Variants in PTPN2 observed in about 807,000 individuals in gnomAD.
PTPN2 encodes the protein protein tyrosine phosphatase non-receptor type 2.
In PTPN2, 19 loss-of-function variants were observed where a neutral mutation model predicts 57.3. The observed-to-expected ratio is 0.33, with a 90% CI of 0.23 to 0.49. The LOEUF is 0.49. Ranked by LOEUF, PTPN2 falls within the 20% of genes least tolerant of loss-of-function variation. The pLI is 0.99. For synonymous variants in PTPN2, 153 were observed against 164.9 expected (o/e 0.93, Z 0.55); for missense variants, 358 against 501.1 (o/e 0.71, Z 2.73).
intron 1 of PTPN2, chr18:12,883,842 T>C: frequency 2.5e-6 from 1 of 402,086 alleles, no homozygotes. Context: ...GCGCTTGCGC[T>C]AACCATGAGC....
In PTPN2 at chr18:12,884,072, C is replaced by A; in HGVS notation, c.69+1G>T. ...GACTGCCGCGTGGGTCCGCGACTCA[C>A]CAAGTACAGCGGCTGCCAGCGACGC... On this transcript the variant is annotated splice_donor_variant, in intron 1 of 8. Transcript: ENST00000309660. LOFTEE classifies it high-confidence loss of function. 6.3e-7 allele frequency: 1 copy of A among 1,575,532 alleles called. No homozygotes were observed. The highest frequency in any genetic ancestry group is 8.6e-7 in the Non-Finnish European group (1 of 1,162,326).
chr18:12,865,523 G>A (rs188316180), intron 1 of PTPN2, among the ~76,000 whole-genome samples: 52 of 151,808 alleles, frequency 3.4e-4, no homozygotes, highest in African/African-American at 1.1e-3. Context: ...TGGGTGGATC[G>A]CCTGAGGTCA....
intron 1 of PTPN2, among the ~76,000 whole-genome samples, chr18:12,878,333 AAAAG>A (rs2044560221): frequency 6.6e-6 from 1 of 151,792 alleles, no homozygotes; most frequent in African/African-American, 2.4e-5. Flanking sequence ...AAAAGAAAGA[AAAAG>A]AAAAAAAAAG....
chr18:12,831,700 T>G (rs1468026445), intron 3 of PTPN2, among the ~76,000 whole-genome samples: 1 of 152,214 alleles, frequency 6.6e-6, no homozygotes, highest in Non-Finnish European at 1.5e-5. Context: ...TAGGAATCAT[T>G]AAAGTACCTG....
At chr18:12,851,280 C>G in intron 2 of PTPN2, among the ~76,000 whole-genome samples, 1 of 9,194 alleles carries the variant, frequency 1.1e-4, no homozygotes, top group East Asian at 1.9e-3. Context: ...GAGATCGAGA[C>G]CATCCTGGCT....
intron 5 of PTPN2, 70 bp downstream of exon 5, chr18:12,825,740 A>G (rs111703044): frequency 1.2e-5 from 17 of 1,437,282 alleles, no homozygotes; most frequent in African/African-American, 7.1e-5. Flanking sequence ...CAAACTTCAA[A>G]TCTAATAATA....
chr18:12,836,474 G>A (rs1165557774), intron 3 of PTPN2, among the ~76,000 whole-genome samples: 2 of 152,218 alleles, frequency 1.3e-5, no homozygotes, highest in African/African-American at 4.8e-5. Context: ...GAAGAGAAAA[G>A]AAGACACTAA....
At chr18:12,838,348 G>A (rs1457477502) in intron 2 of PTPN2, among the ~76,000 whole-genome samples, 2 of 152,184 alleles carry the variant, frequency 1.3e-5, no homozygotes, top group Non-Finnish European at 2.9e-5. Context: ...TACCCCACAT[G>A]GCACCACCCC....
At chr18:12,854,509 G>C (rs2043515707) in intron 2 of PTPN2, among the ~76,000 whole-genome samples, 1 of 152,198 alleles carries the variant, frequency 6.6e-6, no homozygotes, top group Non-Finnish European at 1.5e-5. Flanking sequence ...TAAACATGGG[G>C]AAAAGGAGAA....
chr18:12,870,374 C>CAT (rs1299671748), intron 1 of PTPN2, among the ~76,000 whole-genome samples: 15 of 39,510 alleles, frequency 3.8e-4, no homozygotes, highest in South Asian at 5.9e-4. Flanking sequence ...TGTATATATA[C>CAT]ATATATATAC....
chr18:12,831,142 G>C, intron 3 of PTPN2, 101 bp from the exon 4 acceptor site: 2 of 698,620 alleles, frequency 2.9e-6, no homozygotes, highest in South Asian at 3.7e-5. Flanking sequence ...TTACAAGACA[G>C]ACAGCGGACG....
chr18:12,817,597 G>C (rs2042120897), intron 5 of PTPN2, among the ~76,000 whole-genome samples: 1 of 152,108 alleles, frequency 6.6e-6, no homozygotes, highest in Non-Finnish European at 1.5e-5. Flanking sequence ...CTATTTTGGA[G>C]GCCTGTTCTA....
chr18:12,822,921 G>A (rs2042320255), intron 5 of PTPN2, among the ~76,000 whole-genome samples: 1 of 152,146 alleles, frequency 6.6e-6, no homozygotes, highest in Admixed American at 6.5e-5. Context: ...ATCCTATGAA[G>A]TAGGTACGTT....
At position 12,870,361 on chromosome 18, in the gene PTPN2, ATG is replaced by A. The variant is rs1366680314; in HGVS notation, c.70-11109_70-11108del. Reference sequence around the variant, plus strand: ...TATATACATATATATGTGTATATATATGTGTATATATACATATATATACGTAT... The same window carrying A: ...TATATACATATATATGTGTATATATATGTATATATACATATATATACGTAT... On this transcript the variant is annotated intron_variant, in intron 1 of 8. Coordinates refer to ENST00000309660, the MANE Select transcript of PTPN2 (RefSeq NM_002828.4). Among the ~76,000 whole-genome samples the A allele has an allele frequency of 7.4e-4, 30 of 40,540 alleles. 2 individuals are homozygous for A. The East Asian group carries it at 0.013, about 18-fold the overall frequency. The allele number at this position is 40,540 out of a possible 152,430, so 26.6% of individuals were successfully genotyped here. A position where few individuals can be genotyped will look rare whatever the true frequency, so the allele number is the denominator to read the frequency against.
chr18:12,866,075 TACTA>T (rs1361997240), intron 1 of PTPN2, among the ~76,000 whole-genome samples: 3 of 152,208 alleles, frequency 2.0e-5, no homozygotes, highest in Non-Finnish European at 4.4e-5. Context: ...AATGGAATCT[TACTA>T]ACTTAGAAGA....
intron 2 of PTPN2, among the ~76,000 whole-genome samples, chr18:12,856,114 C>T (rs916683800): frequency 2.6e-5 from 4 of 152,162 alleles, no homozygotes; most frequent in African/African-American, 4.8e-5. Context: ...TCTAGGAACT[C>T]TAGCGCAATG....
At chr18:12,791,819 G>C (rs2040989439), downstream of PTPN2, among the ~76,000 whole-genome samples, 1 of 152,082 alleles carries the variant, frequency 6.6e-6, no homozygotes, top group African/African-American at 2.4e-5. Flanking sequence ...CCAATGAAGC[G>C]CATTCAGCCA....
chr18:12,798,695 G>A (rs1201102090), intron 8 of PTPN2, among the ~76,000 whole-genome samples: 2 of 152,162 alleles, frequency 1.3e-5, no homozygotes, highest in East Asian at 1.9e-4. Flanking sequence ...TTTCTATGGT[G>A]AATAGTGCTG....
At chr18:12,833,125 C>A (rs1468927959) in intron 3 of PTPN2, among the ~76,000 whole-genome samples, 1 of 152,152 alleles carries the variant, frequency 6.6e-6, no homozygotes. Flanking sequence ...AGATTCACAT[C>A]TCAGCTCTTC....
Sources: gnomAD v4.1 joint callset for allele counts (sites outside exome capture counted in the v4.1 genomes callset) on GRCh38, gnomAD v4.1.1 for gene constraint, MANE v1.5 for transcripts, NCBI Gene and HGNC (gene_info 2026-07-23, HGNC 2026-07-21) for gene names.